ADAMTS18: variants seen among roughly 807,000 people sequenced by gnomAD.
The protein encoded by ADAMTS18 is ADAM metallopeptidase with thrombospondin type 1 motif 18.
Under a neutral mutation model 165.9 loss-of-function variants are expected in ADAMTS18, and 157 were observed. The ratio of observed to expected loss-of-function variants is 0.95; its 90% CI spans 0.83 to 1.08. The LOEUF is 1.08. ADAMTS18 is among the 50% of genes least tolerant of loss of function. The pLI, the probability that ADAMTS18 is intolerant of heterozygous loss-of-function variation, is 0.00. For missense variants in ADAMTS18, 2,040 were observed against 1,534.0 expected (o/e 1.33, Z -5.51); for synonymous variants, 782 against 578.2 (o/e 1.35, Z -5.06).
chr16:77,292,557 G>A (rs1018446361), intron 20 of ADAMTS18, among the ~76,000 whole-genome samples: 14 of 152,184 alleles, frequency 9.2e-5, no homozygotes, highest in African/African-American at 3.4e-4. Context: ...ACCGGCTTGG[G>A]TGAAGCTTGA....
intron 22 of ADAMTS18, among the ~76,000 whole-genome samples, chr16:77,284,783 T>C (rs1222473464): frequency 6.6e-6 from 1 of 152,148 alleles, no homozygotes; most frequent in Non-Finnish European, 1.5e-5. Context: ...GTACCACTAG[T>C]ACCGCTGGTT....
At position 77,344,155 on chromosome 16, in the gene ADAMTS18, G is replaced by GTGTGTATA. The variant is rs369058375; in HGVS notation, c.1615-2357_1615-2356insTATACACA. Among the ~76,000 whole-genome samples, 54 of 140,258 alleles carry GTGTGTATA rather than the reference G, an allele frequency of 3.9e-4. 1 individual carries two copies. The highest frequency in any genetic ancestry group is 1.4e-3 in the African/African-American group (52 of 37,668). The allele number at this position is 140,258 out of a possible 152,430, so 92.0% of individuals were successfully genotyped here. A position where few individuals can be genotyped will look rare whatever the true frequency, so the allele number is the denominator to read the frequency against. On this transcript the variant is annotated intron_variant, in intron 10 of 22. Transcript: ENST00000282849. ...CATACATATATATGTATGTGTGTGT[G>GTGTGTATA]TATATATATATATATATATATACAC...
chr16:77,334,123 A>G, intron 12 of ADAMTS18, among the ~76,000 whole-genome samples: 1 of 112,530 alleles, frequency 8.9e-6, no homozygotes, highest in African/African-American at 3.6e-5. Flanking sequence ...TATATATTAT[A>G]TATAATATAT....
At chr16:77,370,549 A>G (rs933667412) in intron 3 of ADAMTS18, among the ~76,000 whole-genome samples, 2 of 152,158 alleles carry the variant, frequency 1.3e-5, no homozygotes, top group Non-Finnish European at 2.9e-5. Flanking sequence ...CAGGAGTCTG[A>G]GACCAGCCTG....
Position 77,287,433 on chromosome 16 carries a change from A to ATCCTT in ADAMTS18, c.3550+1826_3550+1830dup, listed in dbSNP as rs1271996225. ...GGTCAGAACAAACACGTGGGCTCGT[A>ATCCTT]TCCTTTATTCTTCCAAAAGCCACCT... On this transcript the variant is annotated intron_variant, in intron 22 of 22. Transcript: ENST00000282849. Among the ~76,000 whole-genome samples, 8 of 152,250 alleles carry ATCCTT rather than the reference A, an allele frequency of 5.3e-5. No homozygotes were observed. The South Asian group carries it at 1.2e-3, about 24-fold the overall frequency.
chr16:77,412,051 C>T lies in ADAMTS18; in HGVS notation c.495+19244G>A, dbSNP rs150600854. Reference sequence around the variant, plus strand: ...TGAGGGTGTTTCCAGGTGAAACAGACATTTGATTCAGTAGACTGAGTAAAG... The same window carrying T: ...TGAGGGTGTTTCCAGGTGAAACAGATATTTGATTCAGTAGACTGAGTAAAG... On this transcript the variant is annotated intron_variant, in intron 3 of 22. Transcript: ENST00000282849. 7.2e-5 allele frequency among the ~76,000 whole-genome samples: 11 copies of T among 152,050 alleles called. No homozygotes were observed. In the East Asian group the frequency reaches 9.7e-4, roughly 13 times the overall value.
chr16:77,401,931 C>A (rs914896724), intron 3 of ADAMTS18, among the ~76,000 whole-genome samples: 12 of 152,324 alleles, frequency 7.9e-5, no homozygotes, highest in African/African-American at 2.9e-4. Context: ...CTCAGGCTGT[C>A]AGCCTTGGAG....
chr16:77,354,429 T>C (rs1261971612), intron 9 of ADAMTS18, among the ~76,000 whole-genome samples: 1 of 151,854 alleles, frequency 6.6e-6, no homozygotes, highest in Non-Finnish European at 1.5e-5. Context: ...AATAATGAAC[T>C]GGGGGATGAG....
chr16:77,422,409 C>G (rs2057614817), intron 3 of ADAMTS18, among the ~76,000 whole-genome samples: 1 of 151,276 alleles, frequency 6.6e-6, no homozygotes, highest in Non-Finnish European at 1.5e-5. Flanking sequence ...GCAAGAAGAG[C>G]CAAGAGAAAG....
At chr16:77,315,305 A>C (rs1019800) in intron 16 of ADAMTS18, among the ~76,000 whole-genome samples, 51,570 of 152,114 alleles carry the variant, frequency 0.34, 10,186 homozygotes, top group East Asian at 0.88. Context: ...AGAGGGTCTC[A>C]AATGTCATCA....
At chr16:77,376,202 C>G (rs1041074521) in intron 3 of ADAMTS18, among the ~76,000 whole-genome samples, 1 of 152,114 alleles carries the variant, frequency 6.6e-6, no homozygotes, top group Non-Finnish European at 1.5e-5. Context: ...TGCACCCGGC[C>G]GCAGACACAT....
chr16:77,414,473 T>C (rs181539777), intron 3 of ADAMTS18, among the ~76,000 whole-genome samples: 3 of 152,344 alleles, frequency 2.0e-5, no homozygotes, highest in East Asian at 3.9e-4. Context: ...TTTTAAGGAA[T>C]TGGATTAAAA....
intron 4 of ADAMTS18, 21 bp from the exon 5 acceptor site, chr16:77,364,402 T>C (rs759927226): frequency 1.2e-5 from 20 of 1,611,600 alleles, no homozygotes; most frequent in Admixed American, 8.4e-5. Flanking sequence ...CAGAAGAGCA[T>C]TTGGAAGGGA....
intron 8 of ADAMTS18, among the ~76,000 whole-genome samples, chr16:77,358,452 C>T (rs903456490): frequency 1.3e-5 from 2 of 152,098 alleles, no homozygotes; most frequent in African/African-American, 4.8e-5. Context: ...ATCCCAGCTA[C>T]TCAGGAGGCA....
Position 77,358,105 on chromosome 16 carries a change from G to C in ADAMTS18, c.1322+1213C>G, listed in dbSNP as rs113582391. Among the ~76,000 whole-genome samples the C allele has an allele frequency of 4.6e-5, 7 of 152,230 alleles. 1 individual carries two copies. Among genetic ancestry groups the C allele is most frequent in the African/African-American group, 1.7e-4 (7 of 41,536 alleles). Reference sequence around the variant, plus strand: ...GTATGAGAAGCATTGTTCTTAGTGAGCATTTTCGCTTCTCCATTTACAATT... The same window carrying C: ...GTATGAGAAGCATTGTTCTTAGTGACCATTTTCGCTTCTCCATTTACAATT... On this transcript the variant is annotated intron_variant, in intron 8 of 22. Coordinates refer to ENST00000282849, the MANE Select transcript of ADAMTS18 (RefSeq NM_199355.4).
chr16:77,297,533 A>G (rs1036488794), intron 17 of ADAMTS18, 118 bp from the exon 18 acceptor site: 7 of 1,106,636 alleles, frequency 6.3e-6, no homozygotes, highest in East Asian at 2.5e-5. Flanking sequence ...TGGAATCCAA[A>G]TATTTTGTGG....
chr16:77,300,163 G>T, intron 17 of ADAMTS18, 100 bp downstream of exon 17: 3 of 1,385,388 alleles, frequency 2.2e-6, no homozygotes, highest in African/African-American at 1.4e-5. Context: ...GACAGTTCTT[G>T]GGTGGCTTAT....
Position 77,431,307 on chromosome 16 carries a change from C to G in ADAMTS18, c.483G>C (p.Thr161=). ...NDSSSSVAVS[T]CAGLSGLIRT... ...GGGGTGTACTTACCAAGCCAGCACA[C>G]GTAGACACAGCGACAGAGGAGGAGC... Residue 161 remains threonine, a synonymous_variant, in exon 3 of 23, where the codon ACG becomes ACC. Coordinates refer to ENST00000282849, the MANE Select transcript of ADAMTS18 (RefSeq NM_199355.4). The G allele has an allele frequency of 1.2e-6, 2 of 1,614,086 alleles. No individual in the cohort carries two copies. Among genetic ancestry groups the G allele is most frequent in the Non-Finnish European group, 8.5e-7 (1 of 1,180,024 alleles).
intron 12 of ADAMTS18, among the ~76,000 whole-genome samples, chr16:77,327,488 A>G (rs901043042): frequency 1.3e-5 from 2 of 152,218 alleles, no homozygotes; most frequent in Admixed American, 1.3e-4. Context: ...AAAAATATGG[A>G]ACCAGCCCAA....
Sources: allele counts gnomAD v4.1 joint callset (sites outside exome capture counted in the v4.1 genomes callset), GRCh38; gene constraint gnomAD v4.1.1; transcripts MANE v1.5; gene names NCBI Gene and HGNC (gene_info 2026-07-23, HGNC 2026-07-21).